RAB5A: variants seen among roughly 807,000 people sequenced by gnomAD.
The protein encoded by RAB5A is ras-related protein Rab-5A.
RAB5A carries 8 observed loss-of-function variants against 25.7 expected under a neutral mutation model. That is an observed-to-expected ratio of 0.31 (90% CI 0.18 to 0.56). RAB5A has a LOEUF of 0.56. Among genes scored for constraint, RAB5A ranks in the 20% least tolerant of loss-of-function variants. RAB5A has a pLI of 0.91. For synonymous variants in RAB5A, 98 were observed against 89.8 expected (o/e 1.09, Z -0.52); for missense variants, 192 against 259.7 (o/e 0.74, Z 1.79).
At chr3:19,949,554 T>TA (rs1248699406) in intron 1 of RAB5A, among the ~76,000 whole-genome samples, 1 of 152,142 alleles carries the variant, frequency 6.6e-6, no homozygotes, top group African/African-American at 2.4e-5. Context: ...GCAGGGTTTT[T>TA]AGAGAGGGAA....
chr3:19,978,276 A>T, intron 4 of RAB5A, 34 bp from the exon 5 acceptor site: 1 of 1,330,046 alleles, frequency 7.5e-7, no homozygotes, highest in Non-Finnish European at 1.1e-6. Context: ...CAAGAGATAT[A>T]TCTCATATAT....
intron 2 of RAB5A, among the ~76,000 whole-genome samples, chr3:19,963,801 CATGCCTGGCTA>C (rs1432672679): frequency 1.3e-5 from 2 of 152,066 alleles, no homozygotes; most frequent in Non-Finnish European, 2.9e-5. Context: ...CATGTGCCAC[CATGCCTGGCTA>C]ATTTATTTTT....
At chr3:19,962,874 G>A (rs559778284) in intron 2 of RAB5A, among the ~76,000 whole-genome samples, 7 of 151,988 alleles carry the variant, frequency 4.6e-5, no homozygotes, top group East Asian at 1.9e-4. Context: ...GTGCAGTGAC[G>A]CTGTCATAGC....
At chr3:19,955,147 C>T (rs192837055) in intron 2 of RAB5A, among the ~76,000 whole-genome samples, 2 of 152,218 alleles carry the variant, frequency 1.3e-5, no homozygotes, top group East Asian at 3.9e-4. Context: ...CAAATTAATC[C>T]TCAGTGGTTA....
Position 19,973,807 on chromosome 3 carries a change from G to C in RAB5A, c.164-1794G>C, listed in dbSNP as rs139564484. Among the ~76,000 whole-genome samples the C allele has an allele frequency of 1.7e-3, 254 of 152,242 alleles. 2 individuals are homozygous for C. Among genetic ancestry groups the C allele is most frequent in the African/African-American group, 5.8e-3 (241 of 41,532 alleles). ...AAGCCAGCAACCAGTTAACCTAAAA[G>C]AGCGTGAAAAATAAATGTTGTGTCT... On this transcript the variant is annotated intron_variant, in intron 2 of 5. Coordinates refer to ENST00000273047, the MANE Select transcript of RAB5A (RefSeq NM_004162.5).
Position 19,950,925 on chromosome 3 carries a change from C to G in RAB5A, c.27C>G (p.Pro9=). The G allele has an allele frequency of 6.2e-7, 1 of 1,613,068 alleles. No individual in the cohort carries two copies. Among genetic ancestry groups the G allele is most frequent in the South Asian group, 1.1e-5 (1 of 90,984 alleles). ...TGGCTAGTCGAGGCGCAACAAGACC[C>G]AACGGGCCAAATACGGGAAATAAAA... MASRGATR[P]NGPNTGNKIC... Residue 9 remains proline, a synonymous_variant, in exon 2 of 6, where the codon CCC becomes CCG. Coordinates refer to ENST00000273047, the MANE Select transcript of RAB5A (RefSeq NM_004162.5).
chr3:19,980,921 G>C (rs1696913204), intron 5 of RAB5A, among the ~76,000 whole-genome samples: 1 of 152,146 alleles, frequency 6.6e-6, no homozygotes, highest in African/African-American at 2.4e-5. Context: ...ATGTAGAATG[G>C]AATGTGTAGA....
At chr3:19,970,703 G>A (rs905263307) in intron 2 of RAB5A, 8 of 411,178 alleles carry the variant, frequency 1.9e-5, no homozygotes, top group African/African-American at 1.7e-4. Context: ...AATTAAAGTG[G>A]TTTTACAGAT....
chr3:19,975,629 T>C lies in RAB5A; in HGVS notation c.192T>C (p.Leu64=). The C allele has an allele frequency of 6.2e-7, 1 of 1,613,864 alleles. No individual in the cohort carries two copies. Among genetic ancestry groups the C allele is most frequent in the South Asian group, 1.1e-5 (1 of 91,022 alleles). The change falls in exon 3 of 6, where the codon CTT becomes CTC. Residue 64 remains leucine (L), a synonymous_variant. Coordinates refer to ENST00000273047, the MANE Select transcript of RAB5A (RefSeq NM_004162.5). ...CTTTTCTAACCCAAACTGTATGTCT[T>C]GATGACACTACAGTAAAGTTTGAAA... The part of the protein sequence containing the change: ...GAAFLTQTVC[L]DDTTVKFEIW...
chr3:19,965,742 CCTTT>C (rs2125186284), intron 2 of RAB5A, among the ~76,000 whole-genome samples: 1 of 152,106 alleles, frequency 6.6e-6, no homozygotes, highest in African/African-American at 2.4e-5. Context: ...TTCCTTCCTT[CCTTT>C]ATTTTTTGGG....
At chr3:19,957,671 C>A (rs1023553667) in intron 2 of RAB5A, among the ~76,000 whole-genome samples, 6 of 149,128 alleles carry the variant, frequency 4.0e-5, no homozygotes, top group African/African-American at 1.2e-4. Context: ...GCGGAGGTTG[C>A]AGTGAGCTGA....
At chr3:19,967,915 T>G (rs2125187419) in intron 2 of RAB5A, among the ~76,000 whole-genome samples, 1 of 152,334 alleles carries the variant, frequency 6.6e-6, no homozygotes, top group South Asian at 2.1e-4. Flanking sequence ...GCCTCAGTTT[T>G]TATTTTTCCT....
chr3:19,964,050 T>C (rs1696627819), intron 2 of RAB5A, among the ~76,000 whole-genome samples: 1 of 152,192 alleles, frequency 6.6e-6, no homozygotes, highest in South Asian at 2.1e-4. Flanking sequence ...TCTTGAGGGC[T>C]AGGAAGCATT....
rs1025534393 is a variant in RAB5A at position 19,966,208 on chromosome 3, G to A, written c.164-9393G>A. ...TAAACAATAACTACCCCTTCTTCCC[G>A]TGTCTGGCAACTACCATTCACCTTT... On this transcript the variant is annotated intron_variant, in intron 2 of 5. Coordinates refer to ENST00000273047, the MANE Select transcript of RAB5A (RefSeq NM_004162.5). Among the ~76,000 whole-genome samples the A allele has an allele frequency of 2.6e-5, 4 of 152,040 alleles. No homozygotes were observed. In the South Asian group the frequency reaches 6.2e-4, roughly 24 times the overall value.
intron 2 of RAB5A, among the ~76,000 whole-genome samples, chr3:19,956,287 A>G (rs1048857586): frequency 6.6e-6 from 1 of 152,116 alleles, no homozygotes; most frequent in Non-Finnish European, 1.5e-5. Flanking sequence ...CCTGGCCAAC[A>G]TGGTAAAAAT....
At chr3:19,968,121 G>A (rs1696686285) in intron 2 of RAB5A, among the ~76,000 whole-genome samples, 1 of 151,932 alleles carries the variant, frequency 6.6e-6, no homozygotes, top group Admixed American at 6.6e-5. Flanking sequence ...TTATCACAAA[G>A]CCTCATTCTA....
chr3:19,976,849 C>T (rs1277869654), intron 4 of RAB5A, among the ~76,000 whole-genome samples: 5 of 152,046 alleles, frequency 3.3e-5, no homozygotes, highest in East Asian at 3.9e-4. Context: ...TATGTACATA[C>T]GCAAACACTT....
At chr3:19,981,003 G>C (rs12488378) in intron 5 of RAB5A, among the ~76,000 whole-genome samples, 48,007 of 152,072 alleles carry the variant, frequency 0.32, 9,195 homozygotes, top group Non-Finnish European at 0.44. Context: ...TTCAATTTCT[G>C]AGTAACCTGA....
chr3:19,964,432 A>T (rs1009898882), intron 2 of RAB5A, among the ~76,000 whole-genome samples: 1 of 151,998 alleles, frequency 6.6e-6, no homozygotes, highest in Non-Finnish European at 1.5e-5. Context: ...TCTTCTTCCC[A>T]ATTCAGTTTT....
Sources: allele counts gnomAD v4.1 joint callset (sites outside exome capture counted in the v4.1 genomes callset), GRCh38; gene constraint gnomAD v4.1.1; transcripts MANE v1.5; gene names NCBI Gene and HGNC (gene_info 2026-07-23, HGNC 2026-07-21).